Variants in RNF123 observed in about 807,000 individuals in gnomAD.
RNF123 encodes E3 ubiquitin-protein ligase RNF123.
Under a neutral mutation model 168.5 loss-of-function variants are expected in RNF123, and 86 were observed. The ratio of observed to expected loss-of-function variants is 0.51; its 90% CI spans 0.43 to 0.61. The LOEUF (loss-of-function observed/expected upper bound fraction) is 0.61. RNF123 is among the 20% of genes least tolerant of loss of function. RNF123 has a pLI of 0.00. For missense variants in RNF123, 1,419 were observed against 1,729.7 expected (o/e 0.82, Z 3.19); for synonymous variants, 666 against 689.1 (o/e 0.97, Z 0.52).
At chr3:49,704,854 C>T in intron 22 of RNF123, 98 bp downstream of exon 22, 1 of 1,391,254 alleles carries the variant, frequency 7.2e-7, no homozygotes, top group Non-Finnish European at 9.8e-7. Context: ...TCCATGCAGG[C>T]AAAGGGTTTC....
At chr3:49,711,518 CCTT>C (rs1209359945) in intron 26 of RNF123, among the ~76,000 whole-genome samples, 2 of 152,154 alleles carry the variant, frequency 1.3e-5, no homozygotes, top group East Asian at 3.9e-4. Context: ...TCTTCGCTGG[CCTT>C]CTGTAGCAGC....
Position 49,716,087 on chromosome 3 carries a change from C to T in RNF123, c.3340-15C>T, listed in dbSNP as rs541496152. The T allele has an allele frequency of 8.1e-6, 13 of 1,613,814 alleles. No individual in the cohort carries two copies. The African/African-American group carries it at 1.7e-4, about 21-fold the overall frequency. ...ACGCTCCCCATCCACCAATGGACTCCTGCTCCCCTCACAGCTGCTAAACCA... is the reference window on the plus strand; with the variant it reads ...ACGCTCCCCATCCACCAATGGACTCTTGCTCCCCTCACAGCTGCTAAACCA... On this transcript the variant is annotated splice_polypyrimidine_tract_variant and intron_variant, in intron 33 of 38. Transcript: ENST00000327697.
At chr3:49,706,690 C>T in intron 25 of RNF123, 101 bp from the exon 26 acceptor site, 4 of 990,352 alleles carry the variant, frequency 4.0e-6, no homozygotes, top group South Asian at 2.8e-5. Context: ...CCCTTGCCTG[C>T]TCCAGGCACT....
In RNF123 at chr3:49,703,505, C is replaced by G; in HGVS notation, c.1829C>G (p.Ser610Trp). The G allele has an allele frequency of 1.2e-6, 2 of 1,614,118 alleles. No individual in the cohort carries two copies. The highest frequency in any genetic ancestry group is 1.7e-6 in the Non-Finnish European group (2 of 1,179,964). Residue 610 changes from serine to tryptophan, a missense_variant, in exon 21 of 39, where the codon TCG (serine) becomes TGG (tryptophan). Coordinates refer to ENST00000327697, the MANE Select transcript of RNF123 (RefSeq NM_022064.5). ...CTGCAGCGCCTGGGGGGCCTCCTCTCGCACCTGCGGAAGACCCTCAAAGGT... is the reference window on the plus strand; with the variant it reads ...CTGCAGCGCCTGGGGGGCCTCCTCTGGCACCTGCGGAAGACCCTCAAAGGT... ...FDLQRLGGLLSHLRKTLKDDL... is the reference protein window; with the variant it reads ...FDLQRLGGLLWHLRKTLKDDL...
In RNF123 at chr3:49,713,602, C is replaced by T. The variant is rs112961152; in HGVS notation, c.2749+15C>T. On this transcript the variant is annotated intron_variant, in intron 28 of 38. Transcript: ENST00000327697. ...TGTGGGCACTGGTGAGGGGCCCCTA[C>T]AGAGGGTACAGGGGGAGGGGGATGG... The T allele has an allele frequency of 1.9e-6, 3 of 1,609,104 alleles. No homozygotes were observed. The South Asian group carries it at 3.3e-5, about 18-fold the overall frequency.
At chr3:49,697,087 T>C in intron 3 of RNF123, 56 bp from the exon 4 acceptor site, 1 of 1,425,852 alleles carries the variant, frequency 7.0e-7, no homozygotes, top group Non-Finnish European at 9.9e-7. Flanking sequence ...GGATTTAGTG[T>C]CATCTGGCTG....
intron 3 of RNF123, among the ~76,000 whole-genome samples, chr3:49,694,252 A>G (rs2054225372): frequency 6.6e-6 from 1 of 152,236 alleles, no homozygotes; most frequent in Non-Finnish European, 1.5e-5. Context: ...AAAGTGTACA[A>G]TTTGATAAGT....
rs766903186 is a variant in RNF123, at chr3:49,700,719, C to T, written c.1277+10C>T. The T allele has an allele frequency of 6.2e-6, 10 of 1,613,954 alleles. No individual in the cohort carries two copies. The African/African-American group carries it at 8.0e-5, about 13-fold the overall frequency. On this transcript the variant is annotated intron_variant, in intron 15 of 38. Coordinates refer to ENST00000327697, the MANE Select transcript of RNF123 (RefSeq NM_022064.5). ...TGCTTAGCAATGTCCTGTATCCTTT[C>T]CTTGCTGCCTGGCAGGCCAGACATG...
chr3:49,710,237 T>C (rs1444577212), intron 26 of RNF123, among the ~76,000 whole-genome samples: 1 of 152,206 alleles, frequency 6.6e-6, no homozygotes, highest in African/African-American at 2.4e-5. Flanking sequence ...AAATAGTACC[T>C]TTACAAGCAC....
chr3:49,715,796 T>C, intron 32 of RNF123, 26 bp from the exon 33 acceptor site: 1 of 1,613,910 alleles, frequency 6.2e-7, no homozygotes. Context: ...TGCTGACCAC[T>C]GCATGCCCAC....
chr3:49,703,942 G>T (rs908263642), intron 21 of RNF123, among the ~76,000 whole-genome samples: 4 of 152,194 alleles, frequency 2.6e-5, no homozygotes, highest in African/African-American at 9.7e-5. Context: ...GGAGTGCAGG[G>T]GCTGAGAGAC....
chr3:49,698,752 C>T lies in RNF123; in HGVS notation c.571-3C>T, dbSNP rs1286225585. 3 of 1,613,232 alleles carry T rather than the reference C, an allele frequency of 1.9e-6. No homozygotes were observed. Among genetic ancestry groups the T allele is most frequent in the East Asian group, 2.2e-5 (1 of 44,892 alleles). The stretch of plus-strand genomic sequence containing the variant: ...CATCTGGTGAGGCCTCCTCTCATGG[C>T]AGGCGTGGGCAGCGGGGGACATCGT... On this transcript the variant is annotated splice_polypyrimidine_tract_variant and splice_region_variant and intron_variant, in intron 8 of 38. Transcript: ENST00000327697.
chr3:49,718,536 G>A (rs1392130052), intron 35 of RNF123: 2 of 1,613,208 alleles, frequency 1.2e-6, no homozygotes, highest in Non-Finnish European at 1.7e-6. Context: ...GCGAAACCCA[G>A]GCAATGCGCA....
intron 35 of RNF123, chr3:49,718,843 G>A (rs1223448921): frequency 1.9e-6 from 3 of 1,613,340 alleles, no homozygotes; most frequent in African/African-American, 1.3e-5. Flanking sequence ...CTTGAGGAAG[G>A]CCGGCAGCGC....
At position 49,716,486 on chromosome 3, in the gene RNF123, TG is replaced by T; in HGVS notation, c.3500+13del. ...CGTGGCCCAGCCTCAGAGTGAGTGT[TG>T]GGGACCGTGGGCCCCTGTGGGAGTT... On this transcript the variant is annotated intron_variant, in intron 35 of 38. Transcript: ENST00000327697. 1 of 1,612,364 alleles carries T rather than the reference TG, an allele frequency of 6.2e-7. No homozygotes were observed. The highest frequency in any genetic ancestry group is 2.2e-5 in the East Asian group (1 of 44,870).
intron 22 of RNF123, 45 bp from the exon 23 acceptor site, chr3:49,704,939 G>C: frequency 6.5e-7 from 1 of 1,548,022 alleles, no homozygotes; most frequent in Non-Finnish European, 8.7e-7. Context: ...TGGGCCAAGG[G>C]AACCCTGAGC....
At chr3:49,694,843 G>C (rs2054236511) in intron 3 of RNF123, among the ~76,000 whole-genome samples, 1 of 151,970 alleles carries the variant, frequency 6.6e-6, no homozygotes, top group Non-Finnish European at 1.5e-5. Context: ...TGATACCAGA[G>C]ATGGTCCTAC....
At position 49,701,819 on chromosome 3, in the gene RNF123, G is replaced by A; in HGVS notation, c.1404G>A (p.Glu468=). ...WPHCSSREGK[E]STEMKEETAE... ...CTGCTACCCCTGCCTAGGGCAAAGA[G>A]AGCACGGAGATGAAGGAGGAGACCG... The change falls in exon 17 of 39, where the codon GAG becomes GAA. Residue 468 remains glutamate, a synonymous_variant. Coordinates refer to ENST00000327697, the MANE Select transcript of RNF123 (RefSeq NM_022064.5). 6.4e-7 allele frequency: 1 copy of A among 1,572,016 alleles called. No individual in the cohort carries two copies. Among genetic ancestry groups the A allele is most frequent in the South Asian group, 1.2e-5 (1 of 85,654 alleles).
chr3:49,716,765 G>A (rs984757105), intron 35 of RNF123: 18 of 413,334 alleles, frequency 4.4e-5, no homozygotes, highest in Non-Finnish European at 7.1e-5. Flanking sequence ...ACTCCGGAGG[G>A]TGTGCCGTCC....
Sources: allele counts gnomAD v4.1 joint callset (sites outside exome capture counted in the v4.1 genomes callset), GRCh38; gene constraint gnomAD v4.1.1; transcripts MANE v1.5; gene names NCBI Gene and HGNC (gene_info 2026-07-23, HGNC 2026-07-21).